Variants in ASB3 observed in about 807,000 individuals in gnomAD.
ASB3 encodes ankyrin repeat and SOCS box protein 3.
A neutral mutation model predicts 54.5 loss-of-function variants in ASB3; 41 were observed. That is an observed-to-expected ratio of 0.75 (90% CI 0.59 to 0.98). The LOEUF (loss-of-function observed/expected upper bound fraction) is 0.98. Ranked by LOEUF, ASB3 falls within the 50% of genes least tolerant of loss-of-function variation. The pLI, the probability that ASB3 is intolerant of heterozygous loss-of-function variation, is 0.00. For synonymous variants in ASB3, 266 were observed against 221.2 expected (o/e 1.20, Z -1.80); for missense variants, 733 against 620.0 (o/e 1.18, Z -1.94).
At chr2:53,694,035 T>C (rs992686497) in intron 8 of ASB3, 21 bp from the exon 9 acceptor site, 3 of 1,610,876 alleles carry the variant, frequency 1.9e-6, no homozygotes, top group Non-Finnish European at 2.5e-6. Flanking sequence ...AAGATGTTAA[T>C]ATAATATTAG....
In ASB3 at chr2:53,706,944, C is replaced by T. The variant is rs140706867; in HGVS notation, c.981-6416G>A. Among the ~76,000 whole-genome samples, 11 of 152,286 alleles carry T rather than the reference C, an allele frequency of 7.2e-5. No homozygotes were observed. In the East Asian group the frequency reaches 2.1e-3, roughly 29 times the overall value. ...CAACCTTCCATATTGTCTTTAGGAA[C>T]ACTGGGTTGTCCGTTCCAGAAAGAG... On this transcript the variant is annotated intron_variant, in intron 7 of 9. Transcript: ENST00000263634.
At chr2:53,731,510 A>G (rs1039355932) in intron 3 of ASB3, among the ~76,000 whole-genome samples, 2 of 152,244 alleles carry the variant, frequency 1.3e-5, no homozygotes, top group African/African-American at 2.4e-5. Flanking sequence ...GGAATCTAAC[A>G]TAACTAAGTT....
Position 53,742,734 on chromosome 2 carries a change from T to TA in ASB3, c.355+8048dup, listed in dbSNP as rs60852381. On this transcript the variant is annotated intron_variant, in intron 3 of 9. Transcript: ENST00000263634. ...ATTTCTGAAGAGGAACATAGAGGCT[T>TA]AAAAAAAAAACAGGAAAAGTAAAAC... Among the ~76,000 whole-genome samples the TA allele has an allele frequency of 1.9e-4, 28 of 147,432 alleles. 1 individual carries two copies. Among genetic ancestry groups the TA allele is most frequent in the Non-Finnish European group, 3.0e-4 (20 of 66,242 alleles).
At chr2:53,743,065 G>C (rs1455485899) in intron 3 of ASB3, among the ~76,000 whole-genome samples, 1 of 151,808 alleles carries the variant, frequency 6.6e-6, no homozygotes, top group Non-Finnish European at 1.5e-5. Flanking sequence ...CATTTTTAAA[G>C]TTCTCAAGGA....
chr2:53,710,616 T>C (rs1670040480), intron 7 of ASB3, among the ~76,000 whole-genome samples: 1 of 152,260 alleles, frequency 6.6e-6, no homozygotes, highest in Non-Finnish European at 1.5e-5. Flanking sequence ...GGTCTTGTTA[T>C]AATCCTTTGA....
At chr2:53,720,234 C>A (rs940987095) in intron 5 of ASB3, among the ~76,000 whole-genome samples, 1 of 151,904 alleles carries the variant, frequency 6.6e-6, no homozygotes, top group African/African-American at 2.4e-5. Flanking sequence ...CAGACAGAAC[C>A]AATGTATATC....
chr2:53,774,567 T>G, intron 1 of ASB3: 1 of 1,390,046 alleles, frequency 7.2e-7, no homozygotes, highest in Non-Finnish European at 9.7e-7. Context: ...AATGACAATA[T>G]GATTTGGAAA....
At position 53,757,126 on chromosome 2, in the gene ASB3, G is replaced by A. The variant is rs561141440; in HGVS notation, c.197-6185C>T. On this transcript the variant is annotated intron_variant, in intron 2 of 9. Coordinates refer to ENST00000263634, the MANE Select transcript of ASB3 (RefSeq NM_016115.5). ...TGGTGACCACAAAGGGACCTCAAAA[G>A]CGGTGAGTAATATTGGACCACTTTC... Among the ~76,000 whole-genome samples the A allele has an allele frequency of 7.2e-4, 109 of 152,312 alleles. 1 individual carries two copies. Among genetic ancestry groups the A allele is most frequent in the African/African-American group, 2.6e-3 (108 of 41,566 alleles).
intron 3 of ASB3, among the ~76,000 whole-genome samples, chr2:53,734,543 T>C (rs993452919): frequency 1.3e-5 from 2 of 152,216 alleles, no homozygotes; most frequent in Non-Finnish European, 2.9e-5. Context: ...GTACTAGAGA[T>C]ACAGAAGTGA....
rs757714386 is a variant in ASB3 at position 53,765,444 on chromosome 2, T to A, written c.129A>T (p.Gly43=). 4 of 1,614,222 alleles carry A rather than the reference T, an allele frequency of 2.5e-6. No homozygotes were observed. The highest frequency in any genetic ancestry group is 1.1e-5 in the South Asian group (1 of 91,082). ...AAGCTGCTTCATGAATTGGCATCCA[T>A]CCCCTGTTATCAGCAACATCGACAC... The part of the protein sequence containing the change: ...GRSVDVADNR[G]WMPIHEAAYH... Residue 43 remains glycine (G), a synonymous_variant, in exon 2 of 10, where the codon GGA becomes GGT. Coordinates refer to ENST00000263634, the MANE Select transcript of ASB3 (RefSeq NM_016115.5).
chr2:53,719,363 C>T (rs565973795), intron 5 of ASB3, among the ~76,000 whole-genome samples: 2 of 152,366 alleles, frequency 1.3e-5, no homozygotes, highest in East Asian at 3.9e-4. Context: ...TGCACAAGCA[C>T]TGTTATTTTC....
intron 6 of ASB3, 102 bp downstream of exon 6, chr2:53,716,464 A>T: frequency 7.1e-7 from 1 of 1,409,464 alleles, no homozygotes; most frequent in Non-Finnish European, 9.6e-7. Context: ...TAGGGAAGAG[A>T]ATATCAAAGA....
At chr2:53,772,175 G>T (rs1558574501) in intron 1 of ASB3, among the ~76,000 whole-genome samples, 1 of 145,854 alleles carries the variant, frequency 6.9e-6, no homozygotes, top group Admixed American at 6.8e-5. Context: ...TGTAGTTTTC[G>T]TTTTTGTGGG....
At position 53,693,936 on chromosome 2, in the gene ASB3, T is replaced by G. The variant is rs762693065; in HGVS notation, c.1317A>C (p.Glu439Asp). Reference sequence around the variant, plus strand: ...TTGAGGCACGAGCAGAGAGCATCCTTTCAACAGCTGGTGCAAGTGTCTTCC... The same window carrying G: ...TTGAGGCACGAGCAGAGAGCATCCTGTCAACAGCTGGTGCAAGTGTCTTCC... ...TNWKTLAPAV[E>D]RMLSARASNA... Residue 439 changes from glutamate to aspartate, a missense_variant, in exon 9 of 10, where the codon GAA (glutamate) becomes GAC (aspartate). Coordinates refer to ENST00000263634, the MANE Select transcript of ASB3 (RefSeq NM_016115.5). The G allele has an allele frequency of 6.2e-7, 1 of 1,613,692 alleles. No homozygotes were observed. Among genetic ancestry groups the G allele is most frequent in the Non-Finnish European group, 8.5e-7 (1 of 1,179,662 alleles).
chr2:53,684,885 G>T (rs1005712064), intron 9 of ASB3, among the ~76,000 whole-genome samples: 1 of 152,180 alleles, frequency 6.6e-6, no homozygotes, highest in Non-Finnish European at 1.5e-5. Flanking sequence ...CTGAGGAGGA[G>T]ATTATTTAGA....
chr2:53,780,345 A>C (rs1451878608), intron 1 of ASB3, among the ~76,000 whole-genome samples: 1 of 152,132 alleles, frequency 6.6e-6, no homozygotes, highest in East Asian at 1.9e-4. Flanking sequence ...TGAGCGAACT[A>C]ATGTTATGTG....
intron 1 of ASB3, chr2:53,768,300 C>T (rs1402185043): frequency 7.9e-6 from 3 of 380,846 alleles, no homozygotes; most frequent in Admixed American, 4.0e-5. Context: ...AGGCTGAGTG[C>T]GGAGATGGGG....
rs1427705554 is a variant in ASB3, at chr2:53,749,370, T to C, written c.355+1413A>G. Among the ~76,000 whole-genome samples, 3 of 152,040 alleles carry C rather than the reference T, an allele frequency of 2.0e-5. No homozygotes were observed. The East Asian group carries it at 5.8e-4, about 29-fold the overall frequency. On this transcript the variant is annotated intron_variant, in intron 3 of 9. Coordinates refer to ENST00000263634, the MANE Select transcript of ASB3 (RefSeq NM_016115.5). Reference sequence around the variant, plus strand: ...AAGTCTCAAACATTACTGAACGAAATGCAAACCAGTAGAAAAAAACTTCCA... The same window carrying C: ...AAGTCTCAAACATTACTGAACGAAACGCAAACCAGTAGAAAAAAACTTCCA...
At chr2:53,717,831 C>T (rs1670481869) in intron 5 of ASB3, among the ~76,000 whole-genome samples, 3 of 152,014 alleles carry the variant, frequency 2.0e-5, no homozygotes, top group Admixed American at 2.0e-4. Flanking sequence ...TTAAGATAAA[C>T]ATCTTAAAAA....
Sources: allele counts gnomAD v4.1 joint callset (sites outside exome capture counted in the v4.1 genomes callset), GRCh38; gene constraint gnomAD v4.1.1; transcripts MANE v1.5; gene names NCBI Gene and HGNC (gene_info 2026-07-23, HGNC 2026-07-21).